The following VWDE variants were observed in gnomAD, a reference collection of about 807,000 sequenced individuals.
The protein encoded by VWDE is von Willebrand factor D and EGF domains.
Under a neutral mutation model 178.4 loss-of-function variants are expected in VWDE, and 207 were observed. The observed-to-expected ratio is 1.16, with a 90% confidence interval of 1.04 to 1.30. VWDE has a LOEUF of 1.30. Among genes scored for constraint, VWDE ranks in the 50% most tolerant of loss-of-function variants. The pLI is 0.00. For missense variants in VWDE, 2,287 were observed against 1,901.3 expected, an observed-to-expected ratio of 1.20 and a Z score of -3.77; for synonymous variants, 738 against 651.4, an observed-to-expected ratio of 1.13 and a Z score of -2.02.
intron 1 of VWDE, among the ~76,000 whole-genome samples, chr7:12,402,147 G>A (rs1784928157): frequency 2.0e-5 from 3 of 152,212 alleles, no homozygotes; most frequent in Admixed American, 1.3e-4. Context: ...GGGAGAAAGG[G>A]AGGGTGATAG....
intron 3 of VWDE, among the ~76,000 whole-genome samples, chr7:12,388,214 A>T (rs942517471): frequency 1.3e-5 from 2 of 152,056 alleles, no homozygotes; most frequent in Non-Finnish European, 2.9e-5. Context: ...AAACTTTCTC[A>T]TTATTAGACT....
At chr7:12,358,227 T>C (rs1396819675) in intron 16 of VWDE, among the ~76,000 whole-genome samples, 2 of 151,888 alleles carry the variant, frequency 1.3e-5, no homozygotes, top group Non-Finnish European at 2.9e-5. Flanking sequence ...AAATAAAAAT[T>C]AGCAGGCATG....
intron 19 of VWDE, among the ~76,000 whole-genome samples, chr7:12,351,072 T>C (rs1028740575): frequency 1.3e-5 from 2 of 152,098 alleles, no homozygotes; most frequent in African/African-American, 4.8e-5. Context: ...TCTTGAGAGA[T>C]ATCCCATTCA....
intron 10 of VWDE, among the ~76,000 whole-genome samples, chr7:12,372,672 T>C (rs1022345225): frequency 1.3e-5 from 2 of 152,152 alleles, no homozygotes; most frequent in African/African-American, 4.8e-5. Flanking sequence ...TTCTTAATTA[T>C]GTCTGTCATC....
At chr7:12,339,208 A>G (rs1781196720) in intron 24 of VWDE, among the ~76,000 whole-genome samples, 1 of 152,184 alleles carries the variant, frequency 6.6e-6, no homozygotes, top group African/African-American at 2.4e-5. Context: ...GATAATTTTT[A>G]ATTCAGTTTA....
chr7:12,396,065 T>C (rs561370772), intron 1 of VWDE, among the ~76,000 whole-genome samples: 1 of 152,294 alleles, frequency 6.6e-6, no homozygotes, highest in Non-Finnish European at 1.5e-5. Flanking sequence ...AGTTGGGTAA[T>C]ATATAATAGA....
intron 18 of VWDE, chr7:12,354,230 T>C (rs753482412): frequency 3.2e-6 from 1 of 311,022 alleles, no homozygotes; most frequent in African/African-American, 2.2e-5. Flanking sequence ...TCTAGTTCAA[T>C]GCATGACACT....
At chr7:12,355,323 A>G (rs946622740) in intron 18 of VWDE, among the ~76,000 whole-genome samples, 3 of 151,626 alleles carry the variant, frequency 2.0e-5, no homozygotes, top group Admixed American at 6.6e-5. Flanking sequence ...GGCTGAGGCA[A>G]GAGAATGGCG....
chr7:12,343,269 G>GT (rs1159706201), intron 21 of VWDE, 91 bp from the exon 22 acceptor site: 2 of 903,156 alleles, frequency 2.2e-6, no homozygotes, highest in African/African-American at 3.4e-5. Context: ...AAATCTTGTT[G>GT]TAAGAGTAAT....
chr7:12,389,058 A>C (rs1165924536), intron 3 of VWDE, 69 bp downstream of exon 3: 2 of 1,073,366 alleles, frequency 1.9e-6, no homozygotes, highest in Non-Finnish European at 2.8e-6. Context: ...AATACAACCT[A>C]TCCAGAGAAT....
At chr7:12,349,469 T>G (rs1161318066) in intron 19 of VWDE, among the ~76,000 whole-genome samples, 1 of 150,930 alleles carries the variant, frequency 6.6e-6, no homozygotes, top group Non-Finnish European at 1.5e-5. Context: ...CTTTGAGAGA[T>G]CCTTAAAGAG....
At chr7:12,389,595 A>T (rs1784282232) in intron 2 of VWDE, among the ~76,000 whole-genome samples, 1 of 152,192 alleles carries the variant, frequency 6.6e-6, no homozygotes, top group Non-Finnish European at 1.5e-5. Context: ...ATATTAATAC[A>T]TTTATTCCAT....
chr7:12,398,820 C>A (rs1276960119), intron 1 of VWDE, among the ~76,000 whole-genome samples: 4 of 152,036 alleles, frequency 2.6e-5, no homozygotes, highest in African/African-American at 9.7e-5. Context: ...CATGTTCTCG[C>A]TTATAAGGGC....
chr7:12,370,808 A>T lies in VWDE; in HGVS notation c.1644T>A (p.Ser548Arg). The T allele has an allele frequency of 6.4e-7, 1 of 1,551,052 alleles. No individual in the cohort carries two copies. Among genetic ancestry groups the T allele is most frequent in the East Asian group, 2.4e-5 (1 of 40,878 alleles). Residue 548 changes from serine to arginine, a missense_variant, in exon 11 of 29, where the codon AGT becomes AGA. Transcript: ENST00000275358. Reference protein sequence around the residue: ...IRADLGEWGMSLTIRAPSVDY... With the variant: ...IRADLGEWGMRLTIRAPSVDY... ...CTACACTAGGGGCTCTGATCGTTAG[A>T]CTCATGCCCCATTCACCAAGATCAG...
At position 12,370,720 on chromosome 7, in the gene VWDE, C is replaced by T; in HGVS notation, c.1732G>A (p.Asp578Asn). Residue 578 changes from aspartate (D) to asparagine (N), a missense_variant, in exon 11 of 29, where the codon GAC (aspartate) becomes AAC (asparagine). Physicochemically the swap from Asp to Asn is conservative, Grantham distance 23. Transcript: ENST00000275358. ...FDENPENDFH[D>N]KNGMQIDQNF... ...TGATCAATTTGCATCCCATTTTTGTCATGGAAATCATTTTCCGGATTTTCA... is the reference window on the plus strand; with the variant it reads ...TGATCAATTTGCATCCCATTTTTGTTATGGAAATCATTTTCCGGATTTTCA... 1 of 1,551,116 alleles carries T rather than the reference C, an allele frequency of 6.4e-7. No individual in the cohort carries two copies. Among genetic ancestry groups the T allele is most frequent in the Non-Finnish European group, 8.7e-7 (1 of 1,146,680 alleles).
chr7:12,332,417 GAGGA>G (rs138313853), intron 28 of VWDE, among the ~76,000 whole-genome samples: 3,765 of 152,118 alleles, frequency 0.025, 160 homozygotes, highest in African/African-American at 0.079. Flanking sequence ...TTGATCATAT[GAGGA>G]AGGATTCAGA....
At chr7:12,359,739 G>GAA (rs368801196) in intron 15 of VWDE, 47 bp from the exon 16 acceptor site, 43 of 1,078,230 alleles carry the variant, frequency 4.0e-5, no homozygotes, top group African/African-American at 6.7e-5. Flanking sequence ...ACAGCGTGTA[G>GAA]AAAAAAAAAA....
rs1413784459 is a variant in VWDE, at chr7:12,356,296, C to A, written c.3560G>T (p.Gly1187Val). The stretch of plus-strand genomic sequence containing the variant: ...AAAGTTCCTATCAGATACACATGAT[C>A]CACCATTCAAGCAATCACAAGACTT... ...TVKSCDCLNG[G>V]SCVSDRNFSP... The change falls in exon 18 of 29, where the codon GGA becomes GTA. Residue 1187 changes from glycine (G) to valine (V), a missense_variant. Coordinates refer to ENST00000275358, the MANE Select transcript of VWDE (RefSeq NM_001135924.3). 6.4e-7 allele frequency: 1 copy of A among 1,551,220 alleles called. No individual in the cohort carries two copies. The highest frequency in any genetic ancestry group is 1.4e-5 in the African/African-American group (1 of 72,938).
intron 16 of VWDE, 78 bp from the exon 17 acceptor site, chr7:12,357,593 A>C: frequency 6.9e-7 from 1 of 1,457,520 alleles, no homozygotes; most frequent in African/African-American, 1.4e-5. Context: ...TCCCACAGAG[A>C]TATGCATTTT....
Sources: allele counts gnomAD v4.1 joint callset (sites outside exome capture counted in the v4.1 genomes callset), GRCh38; gene constraint gnomAD v4.1.1; transcripts MANE v1.5; gene names NCBI Gene and HGNC (gene_info 2026-07-23, HGNC 2026-07-21).